DNAH14: variants seen among roughly 807,000 people sequenced by gnomAD.
DNAH14 encodes the protein dynein axonemal heavy chain 14.
DNAH14 carries 478 observed loss-of-function variants against 520.9 expected under a neutral mutation model. That is an observed-to-expected ratio of 0.92 (90% confidence interval 0.85 to 0.99). The LOEUF (loss-of-function observed/expected upper bound fraction) is 0.99. Among genes scored for constraint, DNAH14 ranks in the 50% least tolerant of loss-of-function variants. The pLI is 0.00. For synonymous variants in DNAH14, 1,581 were observed against 1,757.2 expected, an observed-to-expected ratio of 0.90 and a Z score of 2.51; for missense variants, 4,831 against 5,234.5, an observed-to-expected ratio of 0.92 and a Z score of 2.38.
rs111521747 is a variant in DNAH14 at position 225,375,513 on chromosome 1, A to C, written c.12516+628A>C. ...ACGACAGCTGTGGGTGATCATTGTGAGCTGGGAGTGGGCCTGGTATCATCA... is the reference window on the plus strand; with the variant it reads ...ACGACAGCTGTGGGTGATCATTGTGCGCTGGGAGTGGGCCTGGTATCATCA... On this transcript the variant is annotated intron_variant, in intron 78 of 85. Coordinates refer to ENST00000682510, the MANE Select transcript of DNAH14 (RefSeq NM_001367479.1). Among the ~76,000 whole-genome samples the C allele has an allele frequency of 1.9e-3, 283 of 152,292 alleles. 1 individual carries two copies. The highest frequency in any genetic ancestry group is 6.6e-3 in the African/African-American group (274 of 41,566).
At chr1:225,270,909 C>G (rs1452696801) in intron 50 of DNAH14, 43 bp downstream of exon 50, 2 of 1,514,498 alleles carry the variant, frequency 1.3e-6, no homozygotes, top group Non-Finnish European at 1.8e-6. Context: ...AATTAATTCC[C>G]TAGAATAAGG....
chr1:225,184,836 C>T (rs1184216151), intron 36 of DNAH14, among the ~76,000 whole-genome samples: 2 of 151,778 alleles, frequency 1.3e-5, no homozygotes, highest in Non-Finnish European at 2.9e-5. Flanking sequence ...TAAAAGCATT[C>T]CCCTTAAGAA....
chr1:225,063,704 G>C (rs1243992682), intron 17 of DNAH14, among the ~76,000 whole-genome samples: 2 of 152,040 alleles, frequency 1.3e-5, no homozygotes, highest in African/African-American at 4.8e-5. Flanking sequence ...TGGGAAATGA[G>C]AAGGTGGAGA....
intron 23 of DNAH14, among the ~76,000 whole-genome samples, chr1:225,114,516 T>TC (rs1345615953): frequency 1.3e-5 from 2 of 152,048 alleles, no homozygotes; most frequent in Admixed American, 6.6e-5. Flanking sequence ...AGATCATGTG[T>TC]CCCCCCAGTC....
In DNAH14 at chr1:225,304,842, C is replaced by T. The variant is rs2094208542; in HGVS notation, c.8824-66C>T. 11 of 1,331,310 alleles carry T rather than the reference C, an allele frequency of 8.3e-6. No homozygotes were observed. The Admixed American group carries it at 9.5e-5, about 11-fold the overall frequency. The allele number at this position is 1,331,310 out of a possible 1,614,324, so 82.5% of individuals were successfully genotyped here. On this transcript the variant is annotated intron_variant, in intron 57 of 85. Transcript: ENST00000682510. ...GCTATTTTAATTAATTCTAAGTGTT[C>T]AACTTTCTCTTTTTATGTATATTTG...
intron 60 of DNAH14, among the ~76,000 whole-genome samples, chr1:225,316,449 G>C (rs1279944162): frequency 6.6e-6 from 1 of 152,220 alleles, no homozygotes; most frequent in African/African-American, 2.4e-5. Flanking sequence ...CAGCCGCCCA[G>C]TTTTGTGCTT....
rs1471210848 is a variant in DNAH14 at position 225,351,802 on chromosome 1, A to G, written c.11452A>G (p.Lys3818Glu). ...ACAATGGGATACTTTTAAGAACAGT[A>G]AAGCAGTTTATTCTCTGATCAGCAC... ...VSQWDTFKNS[K>E]AVYSLISTPF... The change falls in exon 72 of 86, where the codon AAA (lysine) becomes GAA (glutamate). Residue 3818 changes from lysine (K) to glutamate (E), a missense_variant. Physicochemically the swap from Lys to Glu is moderately conservative, Grantham distance 56 (BLOSUM62 1). Transcript: ENST00000682510. 1.3e-6 allele frequency: 2 copies of G among 1,551,258 alleles called. No homozygotes were observed. Among genetic ancestry groups the G allele is most frequent in the Non-Finnish European group, 1.7e-6 (2 of 1,146,762 alleles).
intron 64 of DNAH14, among the ~76,000 whole-genome samples, chr1:225,328,651 C>T (rs1171279821): frequency 1.4e-5 from 2 of 145,082 alleles, no homozygotes; most frequent in African/African-American, 5.2e-5. Flanking sequence ...GGGGAAAAAA[C>T]AATGCCAGAA....
At chr1:224,977,039 G>GT (rs1299578221) in intron 8 of DNAH14, among the ~76,000 whole-genome samples, 2 of 151,040 alleles carry the variant, frequency 1.3e-5, no homozygotes, top group Non-Finnish European at 3.0e-5. Context: ...ACATGCACAC[G>GT]TATGTTTATT....
intron 9 of DNAH14, among the ~76,000 whole-genome samples, chr1:225,006,752 C>A (rs948867163): frequency 1.3e-5 from 2 of 152,168 alleles, no homozygotes; most frequent in Non-Finnish European, 2.9e-5. Context: ...GCCTTGTGAT[C>A]TTGCTCTCCC....
chr1:225,253,687 G>A (rs897116334), intron 44 of DNAH14, among the ~76,000 whole-genome samples: 2 of 152,004 alleles, frequency 1.3e-5, no homozygotes, highest in Non-Finnish European at 1.5e-5. Flanking sequence ...CATCCCACAC[G>A]TATTAATCAA....
chr1:225,306,823 A>T (rs6703803), intron 58 of DNAH14, among the ~76,000 whole-genome samples: 8,368 of 152,056 alleles, frequency 0.055, 748 homozygotes, highest in African/African-American at 0.19. Flanking sequence ...AACTGCTTAT[A>T]TCCAGCAAGC....
chr1:225,220,578 A>G (rs1170134080), intron 41 of DNAH14, among the ~76,000 whole-genome samples: 2 of 152,216 alleles, frequency 1.3e-5, no homozygotes, highest in South Asian at 2.1e-4. Flanking sequence ...TAAAATACCT[A>G]GGAATACAAC....
chr1:225,158,122 A>G (rs1428804337), intron 34 of DNAH14, among the ~76,000 whole-genome samples: 1 of 152,162 alleles, frequency 6.6e-6, no homozygotes, highest in East Asian at 1.9e-4. Flanking sequence ...TATCTCTAAT[A>G]TGGTATCATA....
At chr1:225,277,002 G>A (rs2093493031) in intron 53 of DNAH14, among the ~76,000 whole-genome samples, 1 of 74,110 alleles carries the variant, frequency 1.3e-5, no homozygotes. Flanking sequence ...AGGAAGGAAG[G>A]GAGGGAGGGA....
chr1:225,144,599 A>G lies in DNAH14; in HGVS notation c.4711A>G (p.Lys1571Glu), dbSNP rs923076228. The G allele has an allele frequency of 8.4e-6, 13 of 1,551,396 alleles. No individual in the cohort carries two copies. Among genetic ancestry groups the G allele is most frequent in the African/African-American group, 4.1e-5 (3 of 73,038 alleles). ...GCPAGPAGTGKTETVKDLAKS... is the reference protein window; with the variant it reads ...GCPAGPAGTGETETVKDLAKS... ...TCCTGCCGGTCCAGCTGGTACAGGAAAAACTGAGACTGTCAAAGATCTAGC... is the reference window on the plus strand; with the variant it reads ...TCCTGCCGGTCCAGCTGGTACAGGAGAAACTGAGACTGTCAAAGATCTAGC... Residue 1571 changes from lysine to glutamate, a missense_variant, in exon 29 of 86, where the codon AAA (lysine) becomes GAA (glutamate). Physicochemically the swap from Lys to Glu is moderately conservative, Grantham distance 56. Transcript: ENST00000682510.
Position 225,051,739 on chromosome 1 carries a change from A to G in DNAH14, c.2368A>G (p.Met790Val), listed in dbSNP as rs2068553976. The G allele has an allele frequency of 3.2e-6, 5 of 1,549,370 alleles. No individual in the cohort carries two copies. The highest frequency in any genetic ancestry group is 2.5e-5 in the East Asian group (1 of 40,790). The change falls in exon 17 of 86, where the codon ATG becomes GTG. Residue 790 changes from methionine (M) to valine (V), a missense_variant. By Grantham distance (21) the Met-to-Val change is conservative. Coordinates refer to ENST00000682510, the MANE Select transcript of DNAH14 (RefSeq NM_001367479.1). The stretch of plus-strand genomic sequence containing the variant: ...ACTGTATATTGACAACGTCATACAT[A>G]TGAGCCACACCCTCATACAATCTGT... ...CLLYIDNVIH[M>V]SHTLIQSVIE...
At chr1:225,341,576 G>T (rs1026282151) in intron 69 of DNAH14, among the ~76,000 whole-genome samples, 2 of 152,336 alleles carry the variant, frequency 1.3e-5, no homozygotes, top group East Asian at 3.9e-4. Flanking sequence ...TGAGACAGGA[G>T]AATTGCTTGA....
In DNAH14 at chr1:225,364,844, T is replaced by C; in HGVS notation, c.12040T>C (p.Ser4014Pro). ...IDPEFRLWLS[S>P]KSYSSFPIPV... ...CCCTGAGTTTCGGCTATGGTTAAGC[T>C]CAAAATCATACAGTTCTTTTCCAAT... The change falls in exon 76 of 86, where the codon TCA becomes CCA. Residue 4014 changes from serine (S) to proline (P), a missense_variant. Coordinates refer to ENST00000682510, the MANE Select transcript of DNAH14 (RefSeq NM_001367479.1). The C allele has an allele frequency of 6.5e-7, 1 of 1,549,118 alleles. No individual in the cohort carries two copies. Among genetic ancestry groups the C allele is most frequent in the Non-Finnish European group, 8.7e-7 (1 of 1,146,110 alleles).
Sources: gnomAD v4.1 joint callset for allele counts (sites outside exome capture counted in the v4.1 genomes callset) on GRCh38, gnomAD v4.1.1 for gene constraint, MANE v1.5 for transcripts, NCBI Gene and HGNC (gene_info 2026-07-23, HGNC 2026-07-21) for gene names.